The following DCTN4 variants were observed in gnomAD, a reference collection of about 807,000 sequenced individuals.
The protein encoded by DCTN4 is dynactin 4 (p62).
DCTN4 carries 23 observed loss-of-function variants against 62.7 expected under a neutral mutation model. The ratio of observed to expected loss-of-function variants is 0.37; its 90% CI spans 0.26 to 0.52. The LOEUF (loss-of-function observed/expected upper bound fraction) is 0.52. Ranked by LOEUF, DCTN4 falls within the 20% of genes least tolerant of loss-of-function variation. The probability of loss-of-function intolerance (pLI) is 0.92; values close to 1 mark genes in which losing one functional copy is unlikely to be tolerated. For synonymous variants in DCTN4, 199 were observed against 202.1 expected, an observed-to-expected ratio of 0.98 and a Z score of 0.13; for missense variants, 514 against 580.4, an observed-to-expected ratio of 0.89 and a Z score of 1.18.
intron 12 of DCTN4, among the ~76,000 whole-genome samples, chr5:150,713,313 G>C (rs73278026): frequency 0.015 from 2,269 of 152,200 alleles, 47 homozygotes; most frequent in African/African-American, 0.053. Context: ...AAATCCTCTG[G>C]GGTTAGGGTC....
At chr5:150,753,103 G>T (rs1752735942) in intron 3 of DCTN4, among the ~76,000 whole-genome samples, 1 of 152,128 alleles carries the variant, frequency 6.6e-6, no homozygotes, top group Non-Finnish European at 1.5e-5. Flanking sequence ...CTGACCTTGT[G>T]ATCTGCCCGC....
chr5:150,732,034 T>C, intron 5 of DCTN4: 2 of 807,820 alleles, frequency 2.5e-6, no homozygotes, highest in Non-Finnish European at 2.1e-6. Flanking sequence ...ATTCAAATTC[T>C]ACCTCTAAAT....
intron 5 of DCTN4, 38 bp downstream of exon 5, chr5:150,733,330 T>C: frequency 2.0e-6 from 3 of 1,467,632 alleles, no homozygotes; most frequent in Middle Eastern, 1.7e-4. Context: ...TCTTAGGCCT[T>C]AGAGGTCTTG....
chr5:150,717,448 A>G (rs1417313868), intron 11 of DCTN4, among the ~76,000 whole-genome samples: 1 of 152,090 alleles, frequency 6.6e-6, no homozygotes, highest in African/African-American at 2.4e-5. Context: ...GGGTTTCACC[A>G]TGTTGGCCAG....
At chr5:150,752,662 C>T (rs1433023) in intron 3 of DCTN4, among the ~76,000 whole-genome samples, 22,408 of 152,098 alleles carry the variant, frequency 0.15, 2,963 homozygotes, top group African/African-American at 0.35. Context: ...ATTTACATGA[C>T]TACTAGGGAA....
rs369731542 is a variant in DCTN4, at chr5:150,758,611, TC to T, written c.135+247del. On this transcript the variant is annotated intron_variant, in intron 1 of 12. Coordinates refer to ENST00000447998, the MANE Select transcript of DCTN4 (RefSeq NM_016221.4). Reference sequence around the variant, plus strand: ...CAAGCCCCATCGCAGACAGACACGGTCCCTAAGTCAAGTTTGTCCAATCAGA... The same window carrying T: ...CAAGCCCCATCGCAGACAGACACGGTCCTAAGTCAAGTTTGTCCAATCAGA... 961 of 1,244,348 alleles carry T rather than the reference TC, an allele frequency of 7.7e-4. 2 individuals are homozygous for T. In the African/African-American group the frequency reaches 0.01, roughly 14 times the overall value. The allele number at this position is 1,244,348 out of a possible 1,614,324, so 77.1% of individuals were successfully genotyped here.
intron 8 of DCTN4, 74 bp from the exon 9 acceptor site, chr5:150,723,054 C>A (rs769586021): frequency 3.1e-4 from 328 of 1,073,968 alleles, no homozygotes; most frequent in Non-Finnish European, 3.8e-4. Flanking sequence ...CTGCTAAATT[C>A]AGAAGGACAG....
chr5:150,725,593 A>G (rs2113024900), intron 8 of DCTN4, among the ~76,000 whole-genome samples: 2 of 152,228 alleles, frequency 1.3e-5, no homozygotes, highest in South Asian at 4.1e-4. Context: ...GGATGCTGAC[A>G]TCGCTAATCT....
In DCTN4 at chr5:150,715,549, C is replaced by T. The variant is rs1300503572; in HGVS notation, c.1169+16G>A. 1 of 1,610,138 alleles carries T rather than the reference C, an allele frequency of 6.2e-7. No individual in the cohort carries two copies. The highest frequency in any genetic ancestry group is 8.5e-7 in the Non-Finnish European group (1 of 1,176,546). ...TCAGCCATTTGTTGTATGGGGATCA[C>T]AAAAAGATCACTCACTCAGGATCGT... On this transcript the variant is annotated intron_variant, in intron 12 of 12. Transcript: ENST00000447998.
At position 150,711,037 on chromosome 5, in the gene DCTN4, T is replaced by C. The variant is rs1386715953; in HGVS notation, c.*112A>G. The C allele has an allele frequency of 9.8e-7, 1 of 1,019,454 alleles. No homozygotes were observed. The highest frequency in any genetic ancestry group is 2.6e-5 in the East Asian group (1 of 39,194). The allele number at this position is 1,019,454 out of a possible 1,614,324, so 63.2% of individuals were successfully genotyped here. A position where few individuals can be genotyped will look rare whatever the true frequency, so the allele number is the denominator to read the frequency against. On this transcript the variant is annotated 3_prime_UTR_variant, in exon 13 of 13. Transcript: ENST00000447998. ...CCACTTTCTTAGCAATAGAATTCCG[T>C]AGTGCATGGGTACATCGTTATAAAC... is the stretch of plus-strand genomic sequence containing the variant.
intron 2 of DCTN4, among the ~76,000 whole-genome samples, chr5:150,754,185 T>C (rs1003850776): frequency 6.6e-6 from 1 of 152,264 alleles, no homozygotes; most frequent in Non-Finnish European, 1.5e-5. Flanking sequence ...CTTTTCCTAG[T>C]GCTCAGCCAA....
intron 10 of DCTN4, among the ~76,000 whole-genome samples, chr5:150,719,285 T>C (rs1259581234): frequency 6.6e-6 from 1 of 152,066 alleles, no homozygotes; most frequent in African/African-American, 2.4e-5. Flanking sequence ...CAGAATATTC[T>C]ACAATTCACT....
At chr5:150,753,160 C>T (rs990951449) in intron 3 of DCTN4, among the ~76,000 whole-genome samples, 5 of 152,178 alleles carry the variant, frequency 3.3e-5, no homozygotes, top group South Asian at 2.1e-4. Context: ...CCACCGTGCC[C>T]GGCCTTATCT....
At chr5:150,756,037 GTCT>G (rs756166442) in intron 2 of DCTN4, among the ~76,000 whole-genome samples, 2 of 143,032 alleles carry the variant, frequency 1.4e-5, no homozygotes, top group Admixed American at 6.9e-5. Context: ...AATTTCATGT[GTCT>G]TTTTTTTTTT....
chr5:150,758,747 A>G, intron 1 of DCTN4, 112 bp downstream of exon 1: 5 of 1,471,096 alleles, frequency 3.4e-6, no homozygotes, highest in Non-Finnish European at 4.6e-6. Context: ...GTGACGGAAG[A>G]CATAACCAAT....
rs548487885 is a variant in DCTN4 at position 150,712,122 on chromosome 5, A to G, written c.1170-760T>C. On this transcript the variant is annotated intron_variant, in intron 12 of 12. Coordinates refer to ENST00000447998, the MANE Select transcript of DCTN4 (RefSeq NM_016221.4). ...TATAGAACATAGACTCATACCGTGG[A>G]AAGTTATTTATTTATTTATTTTTTT... Among the ~76,000 whole-genome samples the G allele has an allele frequency of 3.3e-5, 5 of 152,018 alleles. No homozygotes were observed. In the East Asian group the frequency reaches 9.7e-4, roughly 30 times the overall value.
Position 150,733,447 on chromosome 5 carries a change from T to G in DCTN4, c.458A>C (p.Gln153Pro). The change falls in exon 5 of 13, where the codon CAG (glutamine) becomes CCG (proline). Residue 153 changes from glutamine to proline, a missense_variant. Physicochemically the swap from Gln to Pro is moderately conservative, Grantham distance 76. Coordinates refer to ENST00000447998, the MANE Select transcript of DCTN4 (RefSeq NM_016221.4). ...RMNKLIEYYQ[Q>P]LAQKEKVERD... ...CTCAACCTTCTCTTTCTGAGCAAGC[T>G]GCTGGTAATATTCAATCAATTTGTT... is the stretch of plus-strand genomic sequence containing the variant. 1 of 1,614,092 alleles carries G rather than the reference T, an allele frequency of 6.2e-7. No homozygotes were observed. The highest frequency in any genetic ancestry group is 8.5e-7 in the Non-Finnish European group (1 of 1,179,992).
rs1390749519 is a variant in DCTN4 at position 150,719,745 on chromosome 5, T to G, written c.934A>C (p.Met312Leu). 8.7e-6 allele frequency: 14 copies of G among 1,610,878 alleles called. No individual in the cohort carries two copies. The highest frequency in any genetic ancestry group is 1.2e-5 in the Non-Finnish European group (14 of 1,177,604). The change falls in exon 10 of 13, where the codon ATG becomes CTG. Residue 312 changes from methionine (M) to leucine (L), a missense_variant. Met to Leu is a conservative substitution (Grantham distance 15). Coordinates refer to ENST00000447998, the MANE Select transcript of DCTN4 (RefSeq NM_016221.4). ...AVNYIPEVRIMSIPNLRYMKE... is the reference protein window; with the variant it reads ...AVNYIPEVRILSIPNLRYMKE... The stretch of plus-strand genomic sequence containing the variant: ...ATGTAGCGAAGGTTGGGAATTGACA[T>G]GATTCTCACTTCTGGAATATAATTG...
At chr5:150,752,360 T>C (rs1364619895) in intron 3 of DCTN4, among the ~76,000 whole-genome samples, 2 of 152,190 alleles carry the variant, frequency 1.3e-5, no homozygotes, top group African/African-American at 4.8e-5. Flanking sequence ...ATATAATGCC[T>C]TAGGTGGTCT....
Sources: allele counts gnomAD v4.1 joint callset (sites outside exome capture counted in the v4.1 genomes callset), GRCh38; gene constraint gnomAD v4.1.1; transcripts MANE v1.5; gene names NCBI Gene and HGNC (gene_info 2026-07-23, HGNC 2026-07-21).